Variants in GLI2 observed in about 807,000 individuals in gnomAD.
The protein encoded by GLI2 is transcription activator GLI2.
In GLI2, 22 loss-of-function variants were observed where a neutral mutation model predicts 78.9. That is an observed-to-expected ratio of 0.28 (90% CI 0.20 to 0.40). The LOEUF (loss-of-function observed/expected upper bound fraction) is 0.40. Among genes scored for constraint, GLI2 ranks in the 10% least tolerant of loss-of-function variants. The probability of loss-of-function intolerance (pLI) is 1.00; values close to 1 mark genes in which losing one functional copy is unlikely to be tolerated. For missense variants in GLI2, 2,097 were observed against 2,213.2 expected, an observed-to-expected ratio of 0.95 and a Z score of 1.05; for synonymous variants, 974 against 963.7, an observed-to-expected ratio of 1.01 and a Z score of -0.20.
intron 2 of GLI2, among the ~76,000 whole-genome samples, chr2:120,914,718 G>A (rs1679008511): frequency 6.6e-6 from 1 of 152,170 alleles, no homozygotes; most frequent in Admixed American, 6.5e-5. Flanking sequence ...GGCCACACCG[G>A]CACCCTTCGG....
intron 2 of GLI2, among the ~76,000 whole-genome samples, chr2:120,901,972 C>T (rs1462680926): frequency 2.0e-5 from 3 of 151,746 alleles, no homozygotes; most frequent in African/African-American, 7.3e-5. Context: ...TTTGTTGTGC[C>T]TTTTTTTTAA....
Position 120,882,336 on chromosome 2 carries a change from G to A in GLI2, c.149-45025G>A, listed in dbSNP as rs763040940. 3.2e-4 allele frequency among the ~76,000 whole-genome samples: 48 copies of A among 152,194 alleles called. 1 individual carries two copies. The highest frequency in any genetic ancestry group is 4.1e-4 in the South Asian group (2 of 4,830). The stretch of plus-strand genomic sequence containing the variant: ...GAGTGAAGGTGGTGAAGGATCACCC[G>A]GGAGATGCTGCTTGGGCTGGAGGGC... On this transcript the variant is annotated intron_variant, in intron 2 of 13. Transcript: ENST00000361492.
At chr2:120,910,457 A>G (rs1678760247) in intron 2 of GLI2, among the ~76,000 whole-genome samples, 2 of 152,196 alleles carry the variant, frequency 1.3e-5, no homozygotes, top group Non-Finnish European at 2.9e-5. Flanking sequence ...GCAATTACTT[A>G]ATCTTGACAA....
At chr2:120,843,401 C>T (rs948954762) in intron 2 of GLI2, among the ~76,000 whole-genome samples, 13 of 152,210 alleles carry the variant, frequency 8.5e-5, no homozygotes, top group Non-Finnish European at 1.9e-4. Flanking sequence ...AGAACTTAGA[C>T]GTCAGGACAA....
chr2:120,796,590 C>T (rs7592974), intron 1 of GLI2, among the ~76,000 whole-genome samples: 2,998 of 152,310 alleles, frequency 0.02, 100 homozygotes, highest in African/African-American at 0.068. Context: ...GGCCTGGCAG[C>T]GCTGCCCCGC....
intron 1 of GLI2, among the ~76,000 whole-genome samples, chr2:120,768,695 CTTG>C (rs1683438124): frequency 1.3e-5 from 2 of 152,206 alleles, no homozygotes; most frequent in Admixed American, 1.3e-4. Flanking sequence ...CTTCCCCTGC[CTTG>C]CCTGGCTGGA....
chr2:120,799,218 C>G (rs1237234723), intron 2 of GLI2, among the ~76,000 whole-genome samples: 1 of 152,158 alleles, frequency 6.6e-6, no homozygotes, highest in African/African-American at 2.4e-5. Flanking sequence ...GTTTGGAGTA[C>G]AGCACCTCCA....
chr2:120,794,125 G>C (rs752423443), intron 1 of GLI2, among the ~76,000 whole-genome samples: 5 of 152,164 alleles, frequency 3.3e-5, no homozygotes, highest in Non-Finnish European at 7.4e-5. Context: ...AATGTAATAC[G>C]GGGGTGTTGA....
intron 2 of GLI2, among the ~76,000 whole-genome samples, chr2:120,877,092 C>A (rs1558850543): frequency 6.6e-6 from 1 of 152,164 alleles, no homozygotes; most frequent in South Asian, 2.1e-4. Flanking sequence ...TTGCATGGGG[C>A]TTGGCCCAGC....
chr2:120,833,569 C>A (rs1686468840), intron 2 of GLI2, among the ~76,000 whole-genome samples: 1 of 152,132 alleles, frequency 6.6e-6, no homozygotes, highest in Non-Finnish European at 1.5e-5. Context: ...GAAGCCTCAT[C>A]CCCCAACCTT....
Position 120,988,921 on chromosome 2 carries a change from G to A in GLI2, c.2956G>A (p.Asp986Asn), listed in dbSNP as rs1233125074. 6.6e-6 allele frequency: 10 copies of A among 1,520,826 alleles called. No individual in the cohort carries two copies. The highest frequency in any genetic ancestry group is 6.2e-6 in the Non-Finnish European group (7 of 1,137,842). 94.2% of individuals were successfully genotyped at this position (1,520,826 alleles called of 1,614,324 possible). ...CCCCGGCCCGCTGCCGCCCTGTGCC[G>A]ACAGGCGAGGCCTCCGCCTGCAGAG... ...VNPGPLPPCA[D>N]RRGLRLQSHP... Residue 986 changes from aspartate (D) to asparagine (N), a missense_variant, in exon 14 of 14, where the codon GAC (aspartate) becomes AAC (asparagine). This residue lies in a region of GLI2 where 1,290 missense variants were observed against 1,261.7 expected (regional missense o/e 1.02). Transcript: ENST00000361492.
intron 2 of GLI2, among the ~76,000 whole-genome samples, chr2:120,916,756 G>C (rs1679119919): frequency 6.6e-6 from 1 of 152,244 alleles, no homozygotes; most frequent in Non-Finnish European, 1.5e-5. Context: ...TGCCCTGGGT[G>C]GTGAGCAGCT....
chr2:120,784,257 T>G (rs889961374), intron 1 of GLI2, among the ~76,000 whole-genome samples: 1 of 152,222 alleles, frequency 6.6e-6, no homozygotes, highest in African/African-American at 2.4e-5. Context: ...AGTGCTGTGC[T>G]GTGGGTCTCC....
At chr2:120,978,057 C>T (rs1225261129) in intron 9 of GLI2, among the ~76,000 whole-genome samples, 1 of 152,220 alleles carries the variant, frequency 6.6e-6, no homozygotes, top group Non-Finnish European at 1.5e-5. Flanking sequence ...AGCGTCATCA[C>T]ACCAGAGCCC....
At chr2:120,764,702 G>T (rs1683316084) in intron 1 of GLI2, among the ~76,000 whole-genome samples, 1 of 152,216 alleles carries the variant, frequency 6.6e-6, no homozygotes. Flanking sequence ...CACGTGCTCT[G>T]TGGTTTTTCC....
intron 1 of GLI2, among the ~76,000 whole-genome samples, chr2:120,770,596 A>G (rs1683494125): frequency 6.6e-6 from 1 of 152,204 alleles, no homozygotes; most frequent in Admixed American, 6.5e-5. Flanking sequence ...ACAGCCAGGA[A>G]TGATGTGAGG....
chr2:120,903,442 C>G lies in GLI2; in HGVS notation c.149-23919C>G, dbSNP rs527695441. 1.1e-4 allele frequency among the ~76,000 whole-genome samples: 16 copies of G among 152,320 alleles called. 1 individual carries two copies. In the South Asian group the frequency reaches 3.1e-3, roughly 30 times the overall value. ...GGTTCTGGGTGCTAGTGACCCTCCC[C>G]CTGAGAGCCCCCAGGCAGGCCTGGG... On this transcript the variant is annotated intron_variant, in intron 2 of 13. Coordinates refer to ENST00000361492, the MANE Select transcript of GLI2 (RefSeq NM_001374353.1).
At chr2:120,866,837 T>G (rs1688158911) in intron 2 of GLI2, 1 of 152,208 alleles carries the variant, frequency 6.6e-6, no homozygotes, top group South Asian at 2.1e-4. Context: ...ACAGCTTGAT[T>G]CGAAAGACTG....
At chr2:120,835,327 G>A (rs910922998) in intron 2 of GLI2, among the ~76,000 whole-genome samples, 3 of 151,598 alleles carry the variant, frequency 2.0e-5, no homozygotes, top group Non-Finnish European at 2.9e-5. Context: ...ATTGGCTCCC[G>A]TTGTTGCTCA....
Sources: allele counts gnomAD v4.1 joint callset (sites outside exome capture counted in the v4.1 genomes callset), GRCh38; gene constraint gnomAD v4.1.1; regional missense constraint gnomAD v4.1.1; transcripts MANE v1.5; gene names NCBI Gene and HGNC (gene_info 2026-07-23, HGNC 2026-07-21).